MINDY4: variants seen among roughly 807,000 people sequenced by gnomAD.
MINDY4 encodes the protein MINDY lysine 48 deubiquitinase 4.
Under a neutral mutation model 87.0 loss-of-function variants are expected in MINDY4, and 68 were observed. That is an observed-to-expected ratio of 0.78 (90% confidence interval 0.64 to 0.96). The LOEUF is 0.96. MINDY4 is among the 40% of genes least tolerant of loss of function. The pLI is 0.00. For synonymous variants in MINDY4, 379 were observed against 363.2 expected, an observed-to-expected ratio of 1.04 and a Z score of -0.50; for missense variants, 919 against 928.2, an observed-to-expected ratio of 0.99 and a Z score of 0.13.
At chr7:30,855,834 A>G (rs113816687) in intron 12 of MINDY4, among the ~76,000 whole-genome samples, 319 of 152,322 alleles carry the variant, frequency 2.1e-3, no homozygotes, top group African/African-American at 7.1e-3. Flanking sequence ...CAGGCGGTCA[A>G]TATTCGGCCC....
chr7:30,826,562 G>C (rs751923154), intron 5 of MINDY4, among the ~76,000 whole-genome samples: 1 of 152,222 alleles, frequency 6.6e-6, no homozygotes, highest in Non-Finnish European at 1.5e-5. Context: ...ATGGCCCAGA[G>C]TGAGACGAGG....
chr7:30,887,667 T>TG (rs1377320991), intron 17 of MINDY4, among the ~76,000 whole-genome samples: 2 of 152,114 alleles, frequency 1.3e-5, no homozygotes, highest in Non-Finnish European at 2.9e-5. Context: ...GCTGGCCTGG[T>TG]GGGGGTCGTG....
chr7:30,876,591 C>G (rs1790265397), intron 15 of MINDY4, among the ~76,000 whole-genome samples: 1 of 152,130 alleles, frequency 6.6e-6, no homozygotes, highest in South Asian at 2.1e-4. Context: ...GAGAATGTGG[C>G]CAGGTGCTGA....
At chr7:30,872,163 G>C in intron 13 of MINDY4, 80 bp from the exon 14 acceptor site, 4 of 1,325,092 alleles carry the variant, frequency 3.0e-6, no homozygotes, top group Non-Finnish European at 4.3e-6. Flanking sequence ...TGGAACCTAA[G>C]GGGAGCGCCT....
intron 5 of MINDY4, among the ~76,000 whole-genome samples, chr7:30,815,258 C>G (rs1748700884): frequency 6.6e-6 from 1 of 152,232 alleles, no homozygotes; most frequent in South Asian, 2.1e-4. Flanking sequence ...TTAGACCTCC[C>G]TGGGACAGGG....
intron 9 of MINDY4, among the ~76,000 whole-genome samples, chr7:30,843,400 A>G (rs987869977): frequency 2.0e-5 from 3 of 152,158 alleles, no homozygotes; most frequent in Non-Finnish European, 4.4e-5. Context: ...TGCTTGGATC[A>G]AGCCTTGGCC....
At chr7:30,852,469 TG>T (rs538830366) in intron 11 of MINDY4, 190 bp downstream of exon 11, 249 of 682,420 alleles carry the variant, frequency 3.6e-4, no homozygotes, top group Non-Finnish European at 4.4e-4. Flanking sequence ...CTGCTAGAGC[TG>T]GCTTTACGGC....
At chr7:30,776,952 C>T (rs1786836301) in intron 1 of MINDY4, among the ~76,000 whole-genome samples, 1 of 82,036 alleles carries the variant, frequency 1.2e-5, no homozygotes, top group South Asian at 4.0e-4. Flanking sequence ...CACCCTTGTC[C>T]TCTACCCCAA....
intron 5 of MINDY4, among the ~76,000 whole-genome samples, chr7:30,794,299 T>C (rs6979305): frequency 0.56 from 84,498 of 151,998 alleles, 25,151 homozygotes; most frequent in African/African-American, 0.76. Flanking sequence ...CTGTGAGTTC[T>C]TCAAGGGGAG....
intron 5 of MINDY4, among the ~76,000 whole-genome samples, chr7:30,800,840 C>T (rs948029198): frequency 6.6e-6 from 1 of 152,218 alleles, no homozygotes; most frequent in Non-Finnish European, 1.5e-5. Flanking sequence ...ACTCCTCTGA[C>T]ACTGGGGATG....
At chr7:30,870,231 G>A (rs1222035592) in intron 13 of MINDY4, among the ~76,000 whole-genome samples, 1 of 152,212 alleles carries the variant, frequency 6.6e-6, no homozygotes, top group African/African-American at 2.4e-5. Context: ...TGAACACGAG[G>A]TAATGATCTT....
At chr7:30,816,308 T>G (rs1788148470) in intron 5 of MINDY4, among the ~76,000 whole-genome samples, 1 of 151,934 alleles carries the variant, frequency 6.6e-6, no homozygotes, top group African/African-American at 2.4e-5. Context: ...TGTGGTAAAT[T>G]TGTTCTCCGT....
chr7:30,880,394 C>T (rs1271139677), intron 15 of MINDY4, among the ~76,000 whole-genome samples: 2 of 151,690 alleles, frequency 1.3e-5, no homozygotes, highest in Non-Finnish European at 2.9e-5. Context: ...AAATGTCACC[C>T]ACTTGGAAAG....
intron 5 of MINDY4, among the ~76,000 whole-genome samples, chr7:30,820,760 T>C (rs1384480506): frequency 6.6e-6 from 1 of 152,250 alleles, no homozygotes; most frequent in African/African-American, 2.4e-5. Context: ...ACATTTGGGT[T>C]GTCTCCACCT....
intron 10 of MINDY4, among the ~76,000 whole-genome samples, chr7:30,851,664 A>T (rs1003524142): frequency 2.6e-5 from 4 of 152,082 alleles, no homozygotes; most frequent in African/African-American, 9.7e-5. Context: ...CAGGAATTCA[A>T]TTTCTCCCTG....
chr7:30,888,709 A>G (rs1407212179), intron 17 of MINDY4, among the ~76,000 whole-genome samples: 1 of 152,134 alleles, frequency 6.6e-6, no homozygotes, highest in African/African-American at 2.4e-5. Flanking sequence ...AGCCCTTTCA[A>G]TTTTTAAAAT....
chr7:30,875,936 C>G (rs1790244698), intron 15 of MINDY4, among the ~76,000 whole-genome samples: 1 of 152,206 alleles, frequency 6.6e-6, no homozygotes, highest in South Asian at 2.1e-4. Flanking sequence ...GTGGCTGCAG[C>G]TGGTGTCTGT....
intron 2 of MINDY4, chr7:30,781,615 C>G (rs943113708): frequency 2.6e-5 from 5 of 194,432 alleles, no homozygotes; most frequent in African/African-American, 1.2e-4. Context: ...CCTACAGACT[C>G]CGTTTTTTAA....
Position 30,865,622 on chromosome 7 carries a change from T to C in MINDY4, c.1745+6298T>C, listed in dbSNP as rs560008293. 1.9e-4 allele frequency among the ~76,000 whole-genome samples: 29 copies of C among 152,296 alleles called. No homozygotes were observed. The South Asian group carries it at 3.5e-3, about 19-fold the overall frequency. ...TGGAGACCCTGTGCAGACACCTGAATCTGGAGGCTTAGCCTCAGCGGGAGC... is the reference window on the plus strand; with the variant it reads ...TGGAGACCCTGTGCAGACACCTGAACCTGGAGGCTTAGCCTCAGCGGGAGC... On this transcript the variant is annotated intron_variant, in intron 13 of 17. Transcript: ENST00000265299.
Sources: gnomAD v4.1 joint callset for allele counts (sites outside exome capture counted in the v4.1 genomes callset) on GRCh38, gnomAD v4.1.1 for gene constraint, MANE v1.5 for transcripts, NCBI Gene and HGNC (gene_info 2026-07-23, HGNC 2026-07-21) for gene names.